KCND2: variants seen among roughly 807,000 people sequenced by gnomAD.
KCND2 encodes potassium voltage-gated channel subfamily D member 2.
KCND2 carries 16 observed loss-of-function variants against 54.4 expected under a neutral mutation model. That is an observed-to-expected ratio of 0.29 (90% CI 0.20 to 0.45). The LOEUF is 0.45. Among genes scored for constraint, KCND2 ranks in the 20% least tolerant of loss-of-function variants. The pLI is 1.00. For synonymous variants in KCND2, 317 were observed against 310.7 expected, an observed-to-expected ratio of 1.02 and a Z score of -0.21; for missense variants, 486 against 824.2, an observed-to-expected ratio of 0.59 and a Z score of 5.02.
In KCND2 at chr7:120,466,087, T is replaced by A. The variant is rs556946029; in HGVS notation, c.1115+190340T>A. 2.8e-4 allele frequency among the ~76,000 whole-genome samples: 42 copies of A among 152,304 alleles called. 1 individual carries two copies. In the South Asian group the frequency reaches 8.5e-3, roughly 31 times the overall value. ...TAACAGCTATCTCTGAGCCCTACCC[T>A]CTAGATGTCAGTTGCAATCCCCAAG... is the stretch of plus-strand genomic sequence containing the variant. On this transcript the variant is annotated intron_variant, in intron 1 of 5. Coordinates refer to ENST00000331113, the MANE Select transcript of KCND2 (RefSeq NM_012281.3).
intron 1 of KCND2, among the ~76,000 whole-genome samples, chr7:120,291,313 G>A (rs1200802674): frequency 6.6e-6 from 1 of 151,840 alleles, no homozygotes; most frequent in African/African-American, 2.4e-5. Context: ...CTTAACACTT[G>A]AGCTCCCCAA....
chr7:120,747,624 T>A, intron 5 of KCND2, 57 bp from the exon 6 acceptor site: 1 of 1,228,284 alleles, frequency 8.1e-7, no homozygotes, highest in Non-Finnish European at 1.2e-6. Context: ...TCTTCAGTTG[T>A]ATGAAAAACA....
intron 1 of KCND2, among the ~76,000 whole-genome samples, chr7:120,380,579 A>G (rs1377263050): frequency 6.6e-6 from 1 of 152,072 alleles, no homozygotes; most frequent in Non-Finnish European, 1.5e-5. Context: ...GATAATATTT[A>G]ATAAACCTAA....
At chr7:120,503,024 G>A (rs971598742) in intron 1 of KCND2, among the ~76,000 whole-genome samples, 1 of 152,054 alleles carries the variant, frequency 6.6e-6, no homozygotes, top group Non-Finnish European at 1.5e-5. Flanking sequence ...CCAGTTTGAA[G>A]TACTTGCAAG....
rs546690347 is a variant in KCND2, at chr7:120,620,016, C to T, written c.1116-112887C>T. ...GCTTTATTCACCAAGCTAATATGTACGCTGTATTTAAAATTAATATTTTCT... is the reference window on the plus strand; with the variant it reads ...GCTTTATTCACCAAGCTAATATGTATGCTGTATTTAAAATTAATATTTTCT... On this transcript the variant is annotated intron_variant, in intron 1 of 5. Coordinates refer to ENST00000331113, the MANE Select transcript of KCND2 (RefSeq NM_012281.3). 1.7e-4 allele frequency among the ~76,000 whole-genome samples: 26 copies of T among 152,178 alleles called. No homozygotes were observed. The South Asian group carries it at 2.9e-3, about 17-fold the overall frequency.
At chr7:120,735,629 A>G (rs1792860685) in intron 2 of KCND2, among the ~76,000 whole-genome samples, 1 of 152,112 alleles carries the variant, frequency 6.6e-6, no homozygotes, top group Non-Finnish European at 1.5e-5. Context: ...ATACATTTAG[A>G]AATCAAAAGT....
chr7:120,358,793 TCTGTA>T (rs1368327650), intron 1 of KCND2, among the ~76,000 whole-genome samples: 2 of 152,182 alleles, frequency 1.3e-5, no homozygotes, highest in Non-Finnish European at 2.9e-5. Flanking sequence ...GCTGTACTCT[TCTGTA>T]AAGTATTTGA....
At chr7:120,638,308 T>C (rs887659917) in intron 1 of KCND2, among the ~76,000 whole-genome samples, 1 of 152,168 alleles carries the variant, frequency 6.6e-6, no homozygotes, top group Non-Finnish European at 1.5e-5. Context: ...CCTACTGATT[T>C]AGTATCTGTA....
At chr7:120,603,192 T>C (rs746664365) in intron 1 of KCND2, among the ~76,000 whole-genome samples, 2 of 152,236 alleles carry the variant, frequency 1.3e-5, no homozygotes, top group Non-Finnish European at 2.9e-5. Flanking sequence ...TAGTAGAACA[T>C]AGTTTGCTAT....
intron 1 of KCND2, among the ~76,000 whole-genome samples, chr7:120,697,609 A>G (rs1186559349): frequency 6.6e-6 from 1 of 152,248 alleles, no homozygotes. Context: ...ATGAAAGGAT[A>G]TAAAATGCAA....
At chr7:120,480,363 C>G (rs1802590721) in intron 1 of KCND2, among the ~76,000 whole-genome samples, 1 of 152,052 alleles carries the variant, frequency 6.6e-6, no homozygotes, top group South Asian at 2.1e-4. Flanking sequence ...AACAGAAACT[C>G]CTGTATTCAA....
chr7:120,573,561 T>C (rs1466590760), intron 1 of KCND2, among the ~76,000 whole-genome samples: 1 of 152,166 alleles, frequency 6.6e-6, no homozygotes, highest in East Asian at 1.9e-4. Context: ...CTGCTCCTCC[T>C]AGTAGTCCAG....
At chr7:120,612,423 C>T (rs950493111) in intron 1 of KCND2, among the ~76,000 whole-genome samples, 1 of 152,072 alleles carries the variant, frequency 6.6e-6, no homozygotes, top group Non-Finnish European at 1.5e-5. Context: ...AAGGAAATAG[C>T]ACATAAGTTG....
chr7:120,367,083 G>C lies in KCND2; in HGVS notation c.1115+91336G>C, dbSNP rs926067970. Among the ~76,000 whole-genome samples the C allele has an allele frequency of 6.6e-5, 10 of 152,204 alleles. No individual in the cohort carries two copies. In the East Asian group the frequency reaches 1.7e-3, roughly 27 times the overall value. On this transcript the variant is annotated intron_variant, in intron 1 of 5. Coordinates refer to ENST00000331113, the MANE Select transcript of KCND2 (RefSeq NM_012281.3). ...CTATTGCATGCATATTATGTGCCAA[G>C]CCCATTGCTATGTCTTTATGATACA...
chr7:120,655,051 A>G lies in KCND2; in HGVS notation c.1116-77852A>G, dbSNP rs1325343886. ...ATAAATACCTAAAACACAGAATATC[A>G]TCCACAACCATATTTATAATTGTCT... On this transcript the variant is annotated intron_variant, in intron 1 of 5. Coordinates refer to ENST00000331113, the MANE Select transcript of KCND2 (RefSeq NM_012281.3). 2.0e-5 allele frequency among the ~76,000 whole-genome samples: 3 copies of G among 152,196 alleles called. No homozygotes were observed. The East Asian group carries it at 5.8e-4, about 29-fold the overall frequency.
intron 1 of KCND2, among the ~76,000 whole-genome samples, chr7:120,687,455 G>A (rs887322451): frequency 6.6e-6 from 1 of 152,088 alleles, no homozygotes; most frequent in African/African-American, 2.4e-5. Context: ...AATTAAATAA[G>A]TATCTAATGA....
intron 1 of KCND2, among the ~76,000 whole-genome samples, chr7:120,460,099 A>G (rs1419278734): frequency 6.6e-6 from 1 of 152,040 alleles, no homozygotes; most frequent in Non-Finnish European, 1.5e-5. Context: ...AAAGAGAGAA[A>G]TCCTTTTCCT....
chr7:120,666,397 T>C (rs1245906481), intron 1 of KCND2, among the ~76,000 whole-genome samples: 1 of 151,772 alleles, frequency 6.6e-6, no homozygotes, highest in East Asian at 1.9e-4. Context: ...TTTCTAAAGA[T>C]AATAAGGTAA....
At chr7:120,364,624 A>AAAAGAGC (rs1323274581) in intron 1 of KCND2, among the ~76,000 whole-genome samples, 3 of 152,034 alleles carry the variant, frequency 2.0e-5, no homozygotes, top group Non-Finnish European at 4.4e-5. Context: ...AATTTATAGG[A>AAAAGAGC]AAAGAGCGGG....
Sources: allele counts gnomAD v4.1 joint callset (sites outside exome capture counted in the v4.1 genomes callset), GRCh38; gene constraint gnomAD v4.1.1; transcripts MANE v1.5; gene names NCBI Gene and HGNC (gene_info 2026-07-23, HGNC 2026-07-21).